The following EPHA5 variants were observed in gnomAD, a reference collection of about 807,000 sequenced individuals.
EPHA5 encodes ephrin type-A receptor 5.
Under a neutral mutation model 105.0 loss-of-function variants are expected in EPHA5, and 60 were observed. The ratio of observed to expected loss-of-function variants is 0.57; its 90% CI spans 0.46 to 0.71. EPHA5 has a LOEUF of 0.71. Among genes scored for constraint, EPHA5 ranks in the 30% least tolerant of loss-of-function variants. The probability of loss-of-function intolerance (pLI) is 0.00; values close to 1 mark genes in which losing one functional copy is unlikely to be tolerated. For missense variants in EPHA5, 1,218 were observed against 1,274.7 expected (o/e 0.96, Z 0.68); for synonymous variants, 513 against 449.1 (o/e 1.14, Z -1.80).
chr4:65,571,318 A>G (rs1006643305), intron 3 of EPHA5, among the ~76,000 whole-genome samples: 11 of 137,574 alleles, frequency 8.0e-5, no homozygotes, highest in Non-Finnish European at 1.4e-4. Flanking sequence ...GCTTGTTTAC[A>G]AGTAAAAAAA....
intron 8 of EPHA5, among the ~76,000 whole-genome samples, chr4:65,401,904 TGA>T (rs34334792): frequency 0.36 from 53,551 of 147,808 alleles, 11,244 homozygotes; most frequent in African/African-American, 0.59. Flanking sequence ...TGTGTGTGTG[TGA>T]GAGAGAGAGA....
At chr4:65,575,261 G>C (rs566282009) in intron 3 of EPHA5, among the ~76,000 whole-genome samples, 2 of 149,532 alleles carry the variant, frequency 1.3e-5, no homozygotes, top group East Asian at 3.9e-4. Context: ...TCACAACCTT[G>C]GATGGTCAGC....
chr4:65,467,485 C>T (rs762031923), intron 5 of EPHA5, among the ~76,000 whole-genome samples: 4 of 152,180 alleles, frequency 2.6e-5, no homozygotes, highest in Non-Finnish European at 4.4e-5. Flanking sequence ...TAATGACATG[C>T]TATTTCTCTT....
intron 3 of EPHA5, among the ~76,000 whole-genome samples, chr4:65,547,226 T>A (rs549509301): frequency 6.6e-6 from 1 of 151,490 alleles, no homozygotes; most frequent in East Asian, 2.0e-4. Context: ...TTTTACACCC[T>A]GTGGACTTCC....
chr4:65,489,769 A>T (rs1274058724), intron 5 of EPHA5, among the ~76,000 whole-genome samples: 4 of 152,188 alleles, frequency 2.6e-5, no homozygotes, highest in Non-Finnish European at 5.9e-5. Flanking sequence ...CTCCCTAATA[A>T]TTACTTATTA....
At chr4:65,361,308 C>CA (rs1717291924) in intron 11 of EPHA5, among the ~76,000 whole-genome samples, 1 of 151,594 alleles carries the variant, frequency 6.6e-6, no homozygotes, top group East Asian at 1.9e-4. Flanking sequence ...GAAGAGAGGA[C>CA]ATTTTAGGTC....
intron 8 of EPHA5, among the ~76,000 whole-genome samples, chr4:65,376,116 CA>C (rs1718977589): frequency 6.6e-6 from 1 of 151,916 alleles, no homozygotes. Flanking sequence ...TTTTAAGCAA[CA>C]AAAATTACTT....
intron 7 of EPHA5, among the ~76,000 whole-genome samples, chr4:65,405,746 C>T (rs1175193356): frequency 1.3e-5 from 2 of 151,966 alleles, no homozygotes; most frequent in East Asian, 1.9e-4. Flanking sequence ...TAGTCTCTGA[C>T]GCTAAGGTCT....
chr4:65,483,889 A>G (rs945034395), intron 5 of EPHA5, among the ~76,000 whole-genome samples: 1 of 152,204 alleles, frequency 6.6e-6, no homozygotes, highest in African/African-American at 2.4e-5. Context: ...CAGTAAACAT[A>G]AATCCCTGGG....
rs1290102893 is a variant in EPHA5, at chr4:65,322,722, T to C, written c.*1392A>G. The C allele has an allele frequency of 1.8e-5, 4 of 226,176 alleles. No homozygotes were observed. The highest frequency in any genetic ancestry group is 3.5e-5 in the Non-Finnish European group (4 of 113,650). 14.0% of individuals were successfully genotyped at this position (226,176 alleles called of 1,614,324 possible). A position where few individuals can be genotyped will look rare whatever the true frequency, so the allele number is the denominator to read the frequency against. On this transcript the variant is annotated 3_prime_UTR_variant, in exon 17 of 17. Transcript: ENST00000613740. ...TCAATAAAATAAACTCAAAGCCATGTAACTGAATACAAACTGAAATTAACA... is the reference window on the plus strand; with the variant it reads ...TCAATAAAATAAACTCAAAGCCATGCAACTGAATACAAACTGAAATTAACA...
intron 5 of EPHA5, among the ~76,000 whole-genome samples, chr4:65,447,420 T>A (rs576870014): frequency 6.6e-6 from 1 of 151,512 alleles, no homozygotes; most frequent in Non-Finnish European, 1.5e-5. Flanking sequence ...GAAAAGAGGA[T>A]TTGGGGCCAG....
At chr4:65,475,060 T>A (rs893884157) in intron 5 of EPHA5, among the ~76,000 whole-genome samples, 2 of 152,144 alleles carry the variant, frequency 1.3e-5, no homozygotes, top group Non-Finnish European at 2.9e-5. Flanking sequence ...CTAAAAAAGA[T>A]AGCGTAAACA....
At chr4:65,606,821 G>C (rs761519282) in intron 2 of EPHA5, among the ~76,000 whole-genome samples, 1 of 152,006 alleles carries the variant, frequency 6.6e-6, no homozygotes, top group African/African-American at 2.4e-5. Context: ...ATAATATTAC[G>C]ACCATCTTAG....
At chr4:65,384,680 T>G (rs538395453) in intron 8 of EPHA5, among the ~76,000 whole-genome samples, 1 of 152,052 alleles carries the variant, frequency 6.6e-6, no homozygotes, top group African/African-American at 2.4e-5. Flanking sequence ...AAAAATACTC[T>G]GTGTTTGTTC....
At chr4:65,583,274 T>C (rs562305109) in intron 3 of EPHA5, among the ~76,000 whole-genome samples, 63 of 151,666 alleles carry the variant, frequency 4.2e-4, no homozygotes, top group Non-Finnish European at 8.0e-4. Flanking sequence ...CAAATATTAT[T>C]AAAGCTTTCT....
At chr4:65,398,034 C>G (rs528779543) in intron 8 of EPHA5, among the ~76,000 whole-genome samples, 39 of 152,266 alleles carry the variant, frequency 2.6e-4, no homozygotes, top group Admixed American at 9.2e-4. Flanking sequence ...TCACCACCCC[C>G]CTTCCAAGTT....
intron 8 of EPHA5, among the ~76,000 whole-genome samples, chr4:65,389,230 C>A (rs984849644): frequency 3.3e-5 from 5 of 152,022 alleles, no homozygotes; most frequent in African/African-American, 1.2e-4. Context: ...CTGAACTTTG[C>A]ATCCTTAAAA....
rs28625264 is a variant in EPHA5, at chr4:65,352,638, G to T, written c.2235+404C>A. On this transcript the variant is annotated intron_variant, in intron 12 of 16. Coordinates refer to ENST00000613740, the MANE Select transcript of EPHA5 (RefSeq NM_001281766.3). ...AACTTGACACCTTTATTAATGACTT[G>T]CCTGGGCTATTTACACGTTTTCTTG... 7.7e-3 allele frequency among the ~76,000 whole-genome samples: 1,176 copies of T among 151,980 alleles called. 16 individuals carry two copies. Among genetic ancestry groups the T allele is most frequent in the African/African-American group, 0.027 (1,110 of 41,468 alleles).
chr4:65,506,968 TA>T (rs1733095207), intron 3 of EPHA5, among the ~76,000 whole-genome samples: 2 of 152,174 alleles, frequency 1.3e-5, no homozygotes. Flanking sequence ...CGGTATTGCC[TA>T]GGTTTTCTTC....
Sources: allele counts gnomAD v4.1 joint callset (sites outside exome capture counted in the v4.1 genomes callset), GRCh38; gene constraint gnomAD v4.1.1; transcripts MANE v1.5; gene names NCBI Gene and HGNC (gene_info 2026-07-23, HGNC 2026-07-21).